The following RNF41 variants were observed in gnomAD, a reference collection of about 807,000 sequenced individuals.
RNF41 encodes the protein ring finger protein 41.
In RNF41, 4 loss-of-function variants were observed where a neutral mutation model predicts 33.0. The observed-to-expected ratio is 0.12, with a 90% CI of 0.06 to 0.28. The LOEUF (loss-of-function observed/expected upper bound fraction) is 0.28, where lower values mean the gene tolerates loss of function less well. Ranked by LOEUF, RNF41 falls within the 10% of genes least tolerant of loss-of-function variation. The pLI, the probability that RNF41 is intolerant of heterozygous loss-of-function variation, is 1.00. For missense variants in RNF41, 228 were observed against 432.6 expected (o/e 0.53, Z 4.19); for synonymous variants, 164 against 153.2 (o/e 1.07, Z -0.52).
At position 56,213,461 on chromosome 12, in the gene RNF41, G is replaced by C. The variant is rs186212044; in HGVS notation, c.90+497C>G. Among the ~76,000 whole-genome samples the C allele has an allele frequency of 2.5e-3, 378 of 152,304 alleles. 4 individuals carry two copies. The highest frequency in any genetic ancestry group is 8.8e-3 in the African/African-American group (365 of 41,578). ...CCACCTTGGCCTCCCAAAGTGCTGG[G>C]ATTACAGGTGTGAGCCACTGTGCCC... On this transcript the variant is annotated intron_variant, in intron 3 of 6. Transcript: ENST00000345093.
At chr12:56,207,300 T>C (rs1868288568) in intron 6 of RNF41, 1 of 1,344,258 alleles carries the variant, frequency 7.4e-7, no homozygotes, top group Non-Finnish European at 9.8e-7. Flanking sequence ...CTTCTCTGGG[T>C]TGTAAGCTAC....
intron 3 of RNF41, among the ~76,000 whole-genome samples, chr12:56,210,908 C>T (rs1386032486): frequency 4.6e-5 from 7 of 152,098 alleles, no homozygotes; most frequent in African/African-American, 9.7e-5. Context: ...GGGCATAGGC[C>T]GGGCGCAGTG....
Position 56,204,010 on chromosome 12 carries a change from G to A in RNF41, c.*2437C>T, listed in dbSNP as rs1265185455. On this transcript the variant is annotated 3_prime_UTR_variant, in exon 7 of 7. Transcript: ENST00000345093. ...GTGAGCCACCGCGCCCGGCTATGAA[G>A]ACTATTTTTATAAGTAAATAATTAT... 6.6e-6 allele frequency: 1 copy of A among 152,052 alleles called. No homozygotes were observed. Among genetic ancestry groups the A allele is most frequent in the Non-Finnish European group, 1.5e-5 (1 of 68,000 alleles). The allele number at this position is 152,052 out of a possible 1,614,324, so 9.4% of individuals were successfully genotyped here. A position where few individuals can be genotyped will look rare whatever the true frequency, so the allele number is the denominator to read the frequency against.
At chr12:56,210,017 A>G (rs1868369203) in intron 4 of RNF41, 2 of 446,612 alleles carry the variant, frequency 4.5e-6, no homozygotes, top group Non-Finnish European at 8.2e-6. Flanking sequence ...GGAAAGTAGT[A>G]TTGGACTGAA....
intron 3 of RNF41, chr12:56,212,843 C>G (rs1565943574): frequency 2.0e-6 from 1 of 494,632 alleles, no homozygotes; most frequent in Admixed American, 2.8e-5. Context: ...ACCTCATTGC[C>G]TAGTGTCCTG....
intron 1 of RNF41, among the ~76,000 whole-genome samples, chr12:56,217,740 C>T (rs1021772445): frequency 1.1e-4 from 17 of 152,016 alleles, no homozygotes; most frequent in African/African-American, 3.4e-4. Context: ...AGATCAGCAG[C>T]GGCATTTGAT....
chr12:56,207,687 A>C lies in RNF41; in HGVS notation c.561T>G (p.Leu187=). Residue 187 remains leucine, a synonymous_variant, in exon 6 of 7, where the codon CTT becomes CTG. Transcript: ENST00000345093. The part of the protein sequence containing the change: ...MRAIRSVNPN[L]QNLEETIEYN... ...ATTCAATTGTCTCCTCCAGGTTCTGAAGGTTGGGGTTGACACTGCGGATTG... is the reference window on the plus strand; with the variant it reads ...ATTCAATTGTCTCCTCCAGGTTCTGCAGGTTGGGGTTGACACTGCGGATTG... 6.2e-7 allele frequency: 1 copy of C among 1,613,834 alleles called. No individual in the cohort carries two copies. Among genetic ancestry groups the C allele is most frequent in the Non-Finnish European group, 8.5e-7 (1 of 1,179,792 alleles).
At chr12:56,214,463 T>C (rs1294687994) in intron 2 of RNF41, among the ~76,000 whole-genome samples, 3 of 149,312 alleles carry the variant, frequency 2.0e-5, no homozygotes, top group African/African-American at 7.4e-5. Context: ...GAGGTTGCAG[T>C]GAGCCGAGAT....
At chr12:56,214,471 G>C (rs1016327715) in intron 2 of RNF41, among the ~76,000 whole-genome samples, 4 of 149,066 alleles carry the variant, frequency 2.7e-5, no homozygotes, top group Non-Finnish European at 5.9e-5. Flanking sequence ...AGTGAGCCGA[G>C]ATCGCGCCAC....
chr12:56,207,135 C>T, intron 6 of RNF41: 3 of 1,313,198 alleles, frequency 2.3e-6, no homozygotes, highest in Non-Finnish European at 3.0e-6. Flanking sequence ...CCACTCAGCA[C>T]TATTTGCCCT....
chr12:56,212,965 CTT>C, intron 3 of RNF41: 1 of 1,284,652 alleles, frequency 7.8e-7, no homozygotes, highest in Non-Finnish European at 1.0e-6. Context: ...GAATACAACT[CTT>C]AAGGATTCAC....
rs575518657 is a variant in RNF41 at position 56,210,718 on chromosome 12, C to T, written c.91-150G>A. On this transcript the variant is annotated intron_variant, in intron 3 of 6. Coordinates refer to ENST00000345093, the MANE Select transcript of RNF41 (RefSeq NM_005785.4). ...GTCACAGCAAAGTATAGATCTACTACGGGCAAGGCATTGTAGGGGACAGGC... is the reference window on the plus strand; with the variant it reads ...GTCACAGCAAAGTATAGATCTACTATGGGCAAGGCATTGTAGGGGACAGGC... The T allele has an allele frequency of 1.2e-4, 89 of 744,486 alleles. No individual in the cohort carries two copies. The East Asian group carries it at 2.0e-3, about 17-fold the overall frequency. 46.1% of individuals were successfully genotyped at this position (744,486 alleles called of 1,614,324 possible).
At chr12:56,213,888 C>T in intron 3 of RNF41, 70 bp downstream of exon 3, 1 of 988,416 alleles carries the variant, frequency 1.0e-6, no homozygotes, top group African/African-American at 1.6e-5. Flanking sequence ...GGTCCCGCTG[C>T]CCATGAATAT....
chr12:56,210,286 A>G lies in RNF41; in HGVS notation c.362+11T>C, dbSNP rs748769871. The G allele has an allele frequency of 2.5e-5, 40 of 1,608,990 alleles. No homozygotes were observed. Among genetic ancestry groups the G allele is most frequent in the Non-Finnish European group, 3.2e-5 (38 of 1,175,924 alleles). ...CCTTATCCATGTGGGGCAGAAGGGA[A>G]CAAATCTCACCCACAGCCCTGTTCA... On this transcript the variant is annotated intron_variant, in intron 4 of 6. Coordinates refer to ENST00000345093, the MANE Select transcript of RNF41 (RefSeq NM_005785.4).
At chr12:56,208,096 T>G in intron 5 of RNF41, 67 bp downstream of exon 5, 1 of 1,594,862 alleles carries the variant, frequency 6.3e-7, no homozygotes, top group Non-Finnish European at 8.6e-7. Context: ...AACTGGTTTT[T>G]ATTACCCACA....
chr12:56,221,353 T>C (rs966519156), intron 1 of RNF41, among the ~76,000 whole-genome samples: 4 of 152,122 alleles, frequency 2.6e-5, no homozygotes, highest in Non-Finnish European at 5.9e-5. Context: ...GGAGCCAAGC[T>C]ATGGCGCTTC....
Position 56,207,184 on chromosome 12 carries a change from T to C in RNF41, c.603-386A>G, listed in dbSNP as rs1017251510. 2.3e-6 allele frequency: 3 copies of C among 1,327,434 alleles called. No individual in the cohort carries two copies. In the African/African-American group the frequency reaches 4.4e-5, roughly 20 times the overall value. The allele number at this position is 1,327,434 out of a possible 1,614,324, so 82.2% of individuals were successfully genotyped here. On this transcript the variant is annotated intron_variant, in intron 6 of 6. Transcript: ENST00000345093. ...CACACTTACAGTTTACTCTATGAAC[T>C]GTATAGGACTCCAGAACTGAAAGAG...
rs899415361 is a variant in RNF41, at chr12:56,203,396, A to G, written c.*3051T>C. ...AAGGTAGCAGCAAATACTTATGAAGACTGGTTTTTTTTTTTTTTTTTTTGA... is the reference window on the plus strand; with the variant it reads ...AAGGTAGCAGCAAATACTTATGAAGGCTGGTTTTTTTTTTTTTTTTTTTGA... On this transcript the variant is annotated 3_prime_UTR_variant, in exon 7 of 7. Coordinates refer to ENST00000345093, the MANE Select transcript of RNF41 (RefSeq NM_005785.4). The G allele has an allele frequency of 6.0e-5, 5 of 83,424 alleles. No individual in the cohort carries two copies. The highest frequency in any genetic ancestry group is 1.9e-4 in the African/African-American group (5 of 26,130). 5.2% of individuals were successfully genotyped at this position (83,424 alleles called of 1,614,324 possible). A position where few individuals can be genotyped will look rare whatever the true frequency, so the allele number is the denominator to read the frequency against.
chr12:56,218,094 C>T (rs1232204265), intron 1 of RNF41, among the ~76,000 whole-genome samples: 3 of 152,060 alleles, frequency 2.0e-5, no homozygotes, highest in Non-Finnish European at 4.4e-5. Flanking sequence ...GCTAGGATTA[C>T]AGGCACCCAC....
Sources: gnomAD v4.1 joint callset for allele counts (sites outside exome capture counted in the v4.1 genomes callset) on GRCh38, gnomAD v4.1.1 for gene constraint, MANE v1.5 for transcripts, NCBI Gene and HGNC (gene_info 2026-07-23, HGNC 2026-07-21) for gene names.